UGT1A5: variants seen among roughly 807,000 people sequenced by gnomAD.
UGT1A5 encodes the protein UDP-glucuronosyltransferase 1A5.
A neutral mutation model predicts 40.3 loss-of-function variants in UGT1A5; 29 were observed. The ratio of observed to expected loss-of-function variants is 0.72; its 90% CI spans 0.54 to 0.98. The LOEUF is 0.98. UGT1A5 is among the 50% of genes least tolerant of loss of function. The probability of loss-of-function intolerance (pLI) is 0.00; values close to 1 mark genes in which losing one functional copy is unlikely to be tolerated. For synonymous variants in UGT1A5, 257 were observed against 262.5 expected, an observed-to-expected ratio of 0.98 and a Z score of 0.20; for missense variants, 678 against 677.9, an observed-to-expected ratio of 1.00 and a Z score of 0.00.
intron 1 of UGT1A5, chr2:233,750,722 T>C (rs1694546738): frequency 6.6e-6 from 1 of 151,960 alleles, no homozygotes; most frequent in South Asian, 2.1e-4. Context: ...AGGCCATTGC[T>C]TCAGAGGGTG....
rs1466031598 is a variant in UGT1A5, at chr2:233,713,254, A to T, written c.263A>T (p.Glu88Val). The change falls in exon 1 of 5, where the codon GAA becomes GTA. Residue 88 changes from glutamate (E) to valine (V), a missense_variant. By Grantham distance (121) the Glu-to-Val change is moderately radical. Transcript: ENST00000373414. ...TTYAISWTQDEFDRLLLGHTQ... is the reference protein window; with the variant it reads ...TTYAISWTQDVFDRLLLGHTQ... ...TATGCCATTTCATGGACCCAGGACG[A>T]ATTTGATCGCCTTTTGCTGGGTCAC... The T allele has an allele frequency of 1.2e-6, 2 of 1,614,136 alleles. No individual in the cohort carries two copies. The highest frequency in any genetic ancestry group is 1.7e-6 in the Non-Finnish European group (2 of 1,180,048).
chr2:233,747,561 T>A (rs1440337169), intron 1 of UGT1A5: 2 of 1,596,952 alleles, frequency 1.3e-6, no homozygotes, highest in Non-Finnish European at 1.7e-6. Context: ...TATGGCAATT[T>A]TGAAAAATTC....
At chr2:233,732,755 G>GTTTT (rs956485327) in intron 1 of UGT1A5, among the ~76,000 whole-genome samples, 5 of 120,226 alleles carry the variant, frequency 4.2e-5, no homozygotes, top group African/African-American at 9.1e-5. Context: ...CACCAGCTTT[G>GTTTT]TTTTTTTTTT....
At chr2:233,755,292 G>A (rs548797616) in intron 1 of UGT1A5, 11 of 646,792 alleles carry the variant, frequency 1.7e-5, no homozygotes, top group Non-Finnish European at 2.6e-5. Context: ...AAGAGCCTGC[G>A]GGGCACTGGC....
chr2:233,752,978 A>G (rs961719654), intron 1 of UGT1A5, among the ~76,000 whole-genome samples: 31 of 152,180 alleles, frequency 2.0e-4, no homozygotes, highest in Middle Eastern at 3.2e-3. Flanking sequence ...AATTGTGTAG[A>G]TACAAACCCA....
intron 1 of UGT1A5, among the ~76,000 whole-genome samples, chr2:233,732,619 T>A (rs2078290035): frequency 6.6e-6 from 1 of 152,210 alleles, no homozygotes; most frequent in African/African-American, 2.4e-5. Flanking sequence ...TGGTTGTAGA[T>A]GTGTGGTGTT....
intron 1 of UGT1A5, among the ~76,000 whole-genome samples, chr2:233,763,573 CTCTT>C (rs1698348195): frequency 1.3e-5 from 2 of 152,188 alleles, no homozygotes; most frequent in African/African-American, 4.8e-5. Flanking sequence ...TTCTTATTTT[CTCTT>C]TCTTCCTTTG....
At chr2:233,716,951 C>A (rs2076535717) in intron 1 of UGT1A5, among the ~76,000 whole-genome samples, 1 of 152,156 alleles carries the variant, frequency 6.6e-6, no homozygotes, top group Non-Finnish European at 1.5e-5. Flanking sequence ...TTCCCAGGCA[C>A]CAGGAATGTG....
chr2:233,771,791 C>T (rs868802241), intron 4 of UGT1A5, among the ~76,000 whole-genome samples: 2 of 146,520 alleles, frequency 1.4e-5, no homozygotes, highest in Middle Eastern at 6.9e-3. Flanking sequence ...TCTCTCCCTC[C>T]CTCCCTCCCT....
At chr2:233,725,418 C>T (rs1426524230) in intron 1 of UGT1A5, among the ~76,000 whole-genome samples, 1 of 151,350 alleles carries the variant, frequency 6.6e-6, no homozygotes, top group Non-Finnish European at 1.5e-5. Flanking sequence ...CAGAATTGTC[C>T]AATAGAAATA....
intron 1 of UGT1A5, among the ~76,000 whole-genome samples, chr2:233,722,551 G>C (rs1195630832): frequency 6.6e-6 from 1 of 152,024 alleles, no homozygotes; most frequent in Non-Finnish European, 1.5e-5. Context: ...AGTTTCTTTT[G>C]GTTGATTTGT....
At position 233,715,255 on chromosome 2, in the gene UGT1A5, T is replaced by A. The variant is rs575259071; in HGVS notation, c.867+1397T>A. Among the ~76,000 whole-genome samples, 42 of 152,302 alleles carry A rather than the reference T, an allele frequency of 2.8e-4. 1 individual carries two copies. Among genetic ancestry groups the A allele is most frequent in the African/African-American group, 1.0e-3 (42 of 41,564 alleles). On this transcript the variant is annotated intron_variant, in intron 1 of 4. Transcript: ENST00000373414. ...TCTGTGAAGGATGTCTTTTAAAAAA[T>A]CCCCTTACATAACAAATTCTCCTCC...
chr2:233,722,845 C>CT (rs61550889), intron 1 of UGT1A5, among the ~76,000 whole-genome samples: 61,845 of 135,260 alleles, frequency 0.46, 16,439 homozygotes, highest in African/African-American at 0.64. Context: ...AAGAATGTTT[C>CT]TTTTTTTTTT....
intron 1 of UGT1A5, among the ~76,000 whole-genome samples, chr2:233,757,354 A>G (rs1200250892): frequency 1.3e-5 from 2 of 150,876 alleles, no homozygotes; most frequent in Non-Finnish European, 2.9e-5. Flanking sequence ...GGTCTGAGAG[A>G]CAGTGGTAGA....
intron 1 of UGT1A5, chr2:233,755,932 G>T (rs1268785135): frequency 7.6e-6 from 1 of 131,750 alleles, no homozygotes; most frequent in African/African-American, 3.0e-5. Context: ...TCGTTTTACA[G>T]TTTTTGCATC....
chr2:233,766,183 A>T (rs1370975589), intron 1 of UGT1A5, among the ~76,000 whole-genome samples: 1 of 152,070 alleles, frequency 6.6e-6, no homozygotes, highest in African/African-American at 2.4e-5. Flanking sequence ...TATTGAGTGG[A>T]TGTAGCTCTC....
intron 1 of UGT1A5, among the ~76,000 whole-genome samples, chr2:233,732,898 G>C (rs1347576081): frequency 6.6e-6 from 1 of 151,914 alleles, no homozygotes; most frequent in Non-Finnish European, 1.5e-5. Flanking sequence ...AATTACCTTG[G>C]GCAGTATGGC....
chr2:233,764,097 A>C (rs535493986), intron 1 of UGT1A5, among the ~76,000 whole-genome samples: 6 of 152,334 alleles, frequency 3.9e-5, no homozygotes, highest in African/African-American at 1.4e-4. Flanking sequence ...CTAAACTAAA[A>C]ATACAAAATT....
chr2:233,747,954 C>T (rs1693821442), intron 1 of UGT1A5: 2 of 1,613,446 alleles, frequency 1.2e-6, no homozygotes, highest in Non-Finnish European at 8.5e-7. Flanking sequence ...AGTGGTGGAT[C>T]TTCTCAGCCA....
Sources: gnomAD v4.1 joint callset for allele counts (sites outside exome capture counted in the v4.1 genomes callset) on GRCh38, gnomAD v4.1.1 for gene constraint, MANE v1.5 for transcripts, NCBI Gene and HGNC (gene_info 2026-07-23, HGNC 2026-07-21) for gene names.